The following TAFA4 variants were observed in gnomAD, a reference collection of about 807,000 sequenced individuals.
TAFA4 encodes the protein chemokine-like protein TAFA-4.
Under a neutral mutation model 21.1 loss-of-function variants are expected in TAFA4, and 20 were observed. The observed-to-expected ratio is 0.95, with a 90% CI of 0.67 to 1.38. The LOEUF (loss-of-function observed/expected upper bound fraction) is 1.38. Among genes scored for constraint, TAFA4 ranks in the 40% most tolerant of loss-of-function variants. TAFA4 has a pLI of 0.00. For missense variants in TAFA4, 211 were observed against 180.9 expected, an observed-to-expected ratio of 1.17 and a Z score of -0.95; for synonymous variants, 71 against 67.4, an observed-to-expected ratio of 1.05 and a Z score of -0.26.
chr3:68,909,099 G>C (rs1019835954), intron 1 of TAFA4, among the ~76,000 whole-genome samples: 3 of 151,986 alleles, frequency 2.0e-5, no homozygotes, highest in Non-Finnish European at 4.4e-5. Flanking sequence ...TTGTAGCTTG[G>C]GGCTACCAAG....
At chr3:68,892,751 T>C (rs1338196306) in intron 1 of TAFA4, among the ~76,000 whole-genome samples, 2 of 152,218 alleles carry the variant, frequency 1.3e-5, no homozygotes, top group Non-Finnish European at 2.9e-5. Flanking sequence ...GATAAATTCC[T>C]TCCTAATGGA....
intron 5 of TAFA4, among the ~76,000 whole-genome samples, chr3:68,734,325 A>G (rs1196711677): frequency 3.3e-5 from 5 of 152,130 alleles, no homozygotes; most frequent in Admixed American, 1.3e-4. Context: ...GCTGATCCCT[A>G]TTCCAGAGGA....
At chr3:68,831,662 T>C (rs1704397735) in intron 3 of TAFA4, among the ~76,000 whole-genome samples, 1 of 152,154 alleles carries the variant, frequency 6.6e-6, no homozygotes, top group African/African-American at 2.4e-5. Flanking sequence ...TTATATGTCT[T>C]GGGGTTGCTC....
intron 3 of TAFA4, among the ~76,000 whole-genome samples, chr3:68,759,285 C>A (rs1381158360): frequency 6.6e-6 from 1 of 152,188 alleles, no homozygotes; most frequent in African/African-American, 2.4e-5. Context: ...ATGTTAATCT[C>A]ATCCAGAAAC....
chr3:68,908,925 C>A (rs985080249), intron 1 of TAFA4, among the ~76,000 whole-genome samples: 1 of 152,302 alleles, frequency 6.6e-6, no homozygotes, highest in South Asian at 2.1e-4. Flanking sequence ...GCCAGACCAG[C>A]CCCATCTGAC....
At chr3:68,904,801 A>C (rs1321028180) in intron 1 of TAFA4, among the ~76,000 whole-genome samples, 1 of 152,202 alleles carries the variant, frequency 6.6e-6, no homozygotes, top group Non-Finnish European at 1.5e-5. Context: ...ATTAACTTCC[A>C]GGTTAATGGC....
At chr3:68,863,324 T>C (rs1300676570) in intron 3 of TAFA4, among the ~76,000 whole-genome samples, 3 of 152,096 alleles carry the variant, frequency 2.0e-5, no homozygotes, top group African/African-American at 7.2e-5. Context: ...AACACCGATT[T>C]CAAAAATGCA....
rs1015255865 is a variant in TAFA4, at chr3:68,812,256, A to T, written c.131-59238T>A. 5.3e-5 allele frequency among the ~76,000 whole-genome samples: 8 copies of T among 152,342 alleles called. No individual in the cohort carries two copies. The South Asian group carries it at 6.2e-4, about 12-fold the overall frequency. The stretch of plus-strand genomic sequence containing the variant: ...TAAAGACCATTGAGGCAAGGAAGAA[A>T]CTGCATCAACTAACGAGCAAAATAA... On this transcript the variant is annotated intron_variant, in intron 3 of 5. Transcript: ENST00000295569.
chr3:68,837,075 A>G (rs963847649), intron 3 of TAFA4, among the ~76,000 whole-genome samples: 10 of 152,248 alleles, frequency 6.6e-5, no homozygotes, highest in Middle Eastern at 3.2e-3. Flanking sequence ...TCATTTATGT[A>G]TCATCTGCGG....
intron 3 of TAFA4, among the ~76,000 whole-genome samples, chr3:68,858,861 T>G (rs1267449667): frequency 6.6e-6 from 1 of 151,976 alleles, no homozygotes; most frequent in African/African-American, 2.4e-5. Context: ...ATCTAATTAT[T>G]TTTTTCTTCA....
chr3:68,865,787 G>A (rs1306584278), intron 3 of TAFA4, among the ~76,000 whole-genome samples: 1 of 151,998 alleles, frequency 6.6e-6, no homozygotes, highest in Non-Finnish European at 1.5e-5. Flanking sequence ...TAGAACTATA[G>A]GCACTTACCA....
chr3:68,786,226 C>G (rs1293827595), intron 3 of TAFA4, among the ~76,000 whole-genome samples: 1 of 152,026 alleles, frequency 6.6e-6, no homozygotes, highest in African/African-American at 2.4e-5. Context: ...ATATAACAAA[C>G]CTGCACATCC....
chr3:68,795,875 A>G (rs1216289400), intron 3 of TAFA4, among the ~76,000 whole-genome samples: 1 of 152,154 alleles, frequency 6.6e-6, no homozygotes, highest in Non-Finnish European at 1.5e-5. Context: ...CAGGTATTCA[A>G]ACAGATGTGG....
At chr3:68,847,936 T>C in intron 3 of TAFA4, among the ~76,000 whole-genome samples, 1 of 152,202 alleles carries the variant, frequency 6.6e-6, no homozygotes, top group Non-Finnish European at 1.5e-5. Flanking sequence ...TTTTCAAGTT[T>C]CTACTTTGCG....
intron 1 of TAFA4, among the ~76,000 whole-genome samples, chr3:68,930,620 A>G (rs932130587): frequency 2.0e-5 from 3 of 152,198 alleles, no homozygotes; most frequent in Non-Finnish European, 4.4e-5. Context: ...ATATGAAGAA[A>G]GCTTCTTCCA....
intron 1 of TAFA4, among the ~76,000 whole-genome samples, chr3:68,899,240 G>T (rs1255650567): frequency 1.3e-5 from 2 of 151,842 alleles, no homozygotes; most frequent in Non-Finnish European, 2.9e-5. Flanking sequence ...AGCCTTAGTA[G>T]AAAAAAGAAC....
At chr3:68,833,256 T>C (rs1704443384) in intron 3 of TAFA4, among the ~76,000 whole-genome samples, 1 of 152,184 alleles carries the variant, frequency 6.6e-6, no homozygotes, top group South Asian at 2.1e-4. Flanking sequence ...AATGCAGAAA[T>C]CACCCATCTT....
intron 3 of TAFA4, among the ~76,000 whole-genome samples, chr3:68,859,666 C>T (rs2089305219): frequency 6.6e-6 from 1 of 152,224 alleles, no homozygotes; most frequent in Middle Eastern, 3.4e-3. Flanking sequence ...AACTTCTCAG[C>T]CATGCATCAA....
chr3:68,806,553 TC>T lies in TAFA4; in HGVS notation c.131-53536del, dbSNP rs1368783698. 3.9e-5 allele frequency among the ~76,000 whole-genome samples: 6 copies of T among 152,314 alleles called. No homozygotes were observed. The South Asian group carries it at 8.3e-4, about 21-fold the overall frequency. ...ATAAGATAGCAATGATACACAAATATCACCAACATTCATTCAATAGTTGTTT... is the reference window on the plus strand; with the variant it reads ...ATAAGATAGCAATGATACACAAATATACCAACATTCATTCAATAGTTGTTT... On this transcript the variant is annotated intron_variant, in intron 3 of 5. Coordinates refer to ENST00000295569, the MANE Select transcript of TAFA4 (RefSeq NM_182522.5).
Sources: allele counts gnomAD v4.1 joint callset (sites outside exome capture counted in the v4.1 genomes callset), GRCh38; gene constraint gnomAD v4.1.1; transcripts MANE v1.5; gene names NCBI Gene and HGNC (gene_info 2026-07-23, HGNC 2026-07-21).